The following NKAIN2 variants were observed in gnomAD, a reference collection of about 807,000 sequenced individuals.
The protein encoded by NKAIN2 is sodium/potassium transporting ATPase interacting 2, also known as sodium/potassium-transporting ATPase subunit beta-1-interacting protein 2.
NKAIN2 carries 14 observed loss-of-function variants against 32.6 expected under a neutral mutation model. That is an observed-to-expected ratio of 0.43 (90% CI 0.28 to 0.67). NKAIN2 has a LOEUF of 0.67. Ranked by LOEUF, NKAIN2 falls within the 30% of genes least tolerant of loss-of-function variation. NKAIN2 has a pLI of 0.17. For missense variants in NKAIN2, 198 were observed against 258.3 expected (o/e 0.77, Z 1.60); for synonymous variants, 80 against 87.2 (o/e 0.92, Z 0.46).
chr6:124,242,689 A>G (rs1338090973), intron 1 of NKAIN2, among the ~76,000 whole-genome samples: 2 of 152,176 alleles, frequency 1.3e-5, no homozygotes, highest in African/African-American at 4.8e-5. Context: ...GTGGACGTAT[A>G]CACCATGGAA....
intron 1 of NKAIN2, among the ~76,000 whole-genome samples, chr6:124,052,426 C>T (rs1247944567): frequency 1.3e-5 from 2 of 152,016 alleles, no homozygotes; most frequent in African/African-American, 2.4e-5. Context: ...TTTTCACTAA[C>T]CTCTTCCTGA....
chr6:123,871,181 G>A (rs1435524001), intron 1 of NKAIN2, among the ~76,000 whole-genome samples: 3 of 152,018 alleles, frequency 2.0e-5, no homozygotes, highest in African/African-American at 7.2e-5. Context: ...AGTATTGTGT[G>A]GTCATGTTGT....
At chr6:123,922,105 A>G (rs1015654800) in intron 1 of NKAIN2, among the ~76,000 whole-genome samples, 1 of 152,216 alleles carries the variant, frequency 6.6e-6, no homozygotes, top group Non-Finnish European at 1.5e-5. Context: ...TCTAAAAATC[A>G]GAACACTTGT....
intron 1 of NKAIN2, among the ~76,000 whole-genome samples, chr6:124,249,552 C>T (rs370405515): frequency 6.6e-6 from 1 of 152,060 alleles, no homozygotes; most frequent in African/African-American, 2.4e-5. Flanking sequence ...GAGCACAACT[C>T]TTCTTACTGA....
At chr6:123,895,381 A>G (rs527755823) in intron 1 of NKAIN2, among the ~76,000 whole-genome samples, 3 of 152,222 alleles carry the variant, frequency 2.0e-5, no homozygotes, top group African/African-American at 7.2e-5. Context: ...TGTATTACAC[A>G]TGGCATTATT....
intron 1 of NKAIN2, among the ~76,000 whole-genome samples, chr6:123,921,465 A>T (rs1243751685): frequency 6.6e-6 from 1 of 152,154 alleles, no homozygotes; most frequent in East Asian, 1.9e-4. Context: ...CCTATAACGT[A>T]TTAGGCATTG....
chr6:124,256,058 A>T (rs1484469211), intron 1 of NKAIN2, among the ~76,000 whole-genome samples: 1 of 152,182 alleles, frequency 6.6e-6, no homozygotes, highest in Non-Finnish European at 1.5e-5. Context: ...CTCTCTTACA[A>T]GGGAAATTAC....
chr6:124,649,180 A>G (rs1021130459), intron 3 of NKAIN2, among the ~76,000 whole-genome samples: 3 of 152,148 alleles, frequency 2.0e-5, no homozygotes, highest in African/African-American at 7.2e-5. Context: ...AGTGAAAACC[A>G]ACAAAACTAT....
intron 3 of NKAIN2, among the ~76,000 whole-genome samples, chr6:124,489,924 C>A (rs1777795813): frequency 6.6e-6 from 1 of 151,844 alleles, no homozygotes; most frequent in Non-Finnish European, 1.5e-5. Flanking sequence ...ATCGTCATTG[C>A]ATTTCCCTCT....
At chr6:124,738,210 T>C (rs1416868818) in intron 4 of NKAIN2, among the ~76,000 whole-genome samples, 1 of 151,912 alleles carries the variant, frequency 6.6e-6, no homozygotes, top group Non-Finnish European at 1.5e-5. Context: ...ACTTAACTAA[T>C]TTTTTTCTAT....
chr6:124,597,177 A>T (rs1051493364), intron 3 of NKAIN2, among the ~76,000 whole-genome samples: 1 of 152,142 alleles, frequency 6.6e-6, no homozygotes, highest in Admixed American at 6.6e-5. Flanking sequence ...TGGGCACTTC[A>T]TGGCCAGTCA....
chr6:124,577,911 G>T, intron 3 of NKAIN2, among the ~76,000 whole-genome samples: 1 of 152,136 alleles, frequency 6.6e-6, no homozygotes, highest in East Asian at 1.9e-4. Context: ...CCTGAGGCCC[G>T]CATTCCAGGC....
At chr6:124,443,926 C>T (rs1024635544) in intron 3 of NKAIN2, among the ~76,000 whole-genome samples, 4 of 151,970 alleles carry the variant, frequency 2.6e-5, no homozygotes, top group African/African-American at 9.7e-5. Flanking sequence ...AGAGACATTC[C>T]TGACTATATG....
chr6:124,248,739 A>G (rs1336464645), intron 1 of NKAIN2, among the ~76,000 whole-genome samples: 1 of 152,158 alleles, frequency 6.6e-6, no homozygotes, highest in East Asian at 1.9e-4. Context: ...GGGCATATAT[A>G]TAATAAGCAC....
intron 1 of NKAIN2, among the ~76,000 whole-genome samples, chr6:123,949,758 A>AC (rs1777237654): frequency 6.6e-6 from 1 of 151,980 alleles, no homozygotes; most frequent in Non-Finnish European, 1.5e-5. Context: ...GGACAAATTG[A>AC]CTTATTCTTC....
intron 1 of NKAIN2, among the ~76,000 whole-genome samples, chr6:124,260,090 C>G (rs1001901748): frequency 6.6e-6 from 1 of 152,168 alleles, no homozygotes; most frequent in African/African-American, 2.4e-5. Flanking sequence ...CAAGTGCCTT[C>G]CATTATAACA....
At chr6:124,677,888 T>A (rs1773437697) in intron 4 of NKAIN2, among the ~76,000 whole-genome samples, 2 of 152,136 alleles carry the variant, frequency 1.3e-5, no homozygotes, top group African/African-American at 4.8e-5. Flanking sequence ...CCTTTCTTTT[T>A]AAGGCAGGTC....
chr6:124,411,915 C>T (rs1355566501), intron 3 of NKAIN2, among the ~76,000 whole-genome samples: 2 of 152,100 alleles, frequency 1.3e-5, no homozygotes, highest in Non-Finnish European at 2.9e-5. Flanking sequence ...TCTCTTCATG[C>T]TTCATTTCAT....
At chr6:124,529,850 T>C (rs901622098) in intron 3 of NKAIN2, among the ~76,000 whole-genome samples, 2 of 152,220 alleles carry the variant, frequency 1.3e-5, no homozygotes, top group African/African-American at 4.8e-5. Context: ...CCAACTCTTA[T>C]CAAATTATAA....
Sources: allele counts gnomAD v4.1 joint callset (sites outside exome capture counted in the v4.1 genomes callset), GRCh38; gene constraint gnomAD v4.1.1; transcripts MANE v1.5; gene names NCBI Gene and HGNC (gene_info 2026-07-23, HGNC 2026-07-21).